SHTN1: variants seen among roughly 807,000 people sequenced by gnomAD.
The protein encoded by SHTN1 is shootin-1.
SHTN1 carries 42 observed loss-of-function variants against 83.1 expected under a neutral mutation model. That is an observed-to-expected ratio of 0.51 (90% CI 0.39 to 0.65). SHTN1 has a LOEUF of 0.65. SHTN1 is among the 30% of genes least tolerant of loss of function. The probability of loss-of-function intolerance (pLI) is 0.00; values close to 1 mark genes in which losing one functional copy is unlikely to be tolerated. For missense variants in SHTN1, 622 were observed against 737.8 expected (o/e 0.84, Z 1.82); for synonymous variants, 224 against 247.7 (o/e 0.90, Z 0.90).
chr10:117,051,968 T>G (rs1370877566), intron 1 of SHTN1, among the ~76,000 whole-genome samples: 1 of 99,866 alleles, frequency 1.0e-5, no homozygotes, highest in Non-Finnish European at 2.1e-5. Flanking sequence ...AAGGCAGAAG[T>G]AAAACTACCT....
At chr10:116,985,101 T>C (rs556666642) in intron 1 of SHTN1, among the ~76,000 whole-genome samples, 21 of 152,256 alleles carry the variant, frequency 1.4e-4, no homozygotes, top group Non-Finnish European at 2.8e-4. Context: ...TACAGCTCTA[T>C]TGGAGCATCT....
chr10:116,997,322 T>A (rs1041254238), intron 1 of SHTN1, among the ~76,000 whole-genome samples: 1 of 152,236 alleles, frequency 6.6e-6, no homozygotes, highest in Non-Finnish European at 1.5e-5. Context: ...ACTGCTTATT[T>A]TTCTCCCTTG....
chr10:116,921,551 C>G (rs760707010), intron 11 of SHTN1, 35 bp from the exon 12 acceptor site: 1 of 1,498,672 alleles, frequency 6.7e-7, no homozygotes, highest in Non-Finnish European at 9.3e-7. Context: ...CAGGAGATTA[C>G]TGGATGCCTA....
chr10:117,084,046 G>A (rs1215869641), intron 1 of SHTN1, among the ~76,000 whole-genome samples: 12 of 152,102 alleles, frequency 7.9e-5, no homozygotes, highest in East Asian at 5.8e-4. Flanking sequence ...CTCTCAGCTC[G>A]TCAAAGTCAT....
intron 16 of SHTN1, among the ~76,000 whole-genome samples, chr10:116,897,553 G>C (rs1397278697): frequency 6.6e-6 from 1 of 152,132 alleles, no homozygotes; most frequent in Non-Finnish European, 1.5e-5. Context: ...AAAAACCCAG[G>C]GGTCTAGTAT....
At chr10:116,927,133 G>A (rs760678931) in intron 11 of SHTN1, among the ~76,000 whole-genome samples, 3 of 152,088 alleles carry the variant, frequency 2.0e-5, no homozygotes, top group South Asian at 2.1e-4. Flanking sequence ...GCATGTTTAC[G>A]TTTTCATTTA....
chr10:116,931,732 G>T (rs1480330621), intron 9 of SHTN1, among the ~76,000 whole-genome samples: 1 of 152,138 alleles, frequency 6.6e-6, no homozygotes, highest in Non-Finnish European at 1.5e-5. Flanking sequence ...GCATAAAATA[G>T]TATGCATAGT....
chr10:117,050,054 T>C (rs1284215616), intron 1 of SHTN1, among the ~76,000 whole-genome samples: 5 of 152,068 alleles, frequency 3.3e-5, no homozygotes, highest in African/African-American at 1.2e-4. Context: ...TAGCTAGATG[T>C]AGTGGTATGA....
At chr10:116,931,156 G>T (rs1275529536) in intron 9 of SHTN1, among the ~76,000 whole-genome samples, 2 of 145,230 alleles carry the variant, frequency 1.4e-5, no homozygotes, top group African/African-American at 5.0e-5. Flanking sequence ...AAAAAGGAAA[G>T]GCTTTCGATT....
rs1376261203 is a variant in SHTN1 at position 117,089,540 on chromosome 10, AT to A, written c.-189+36766del. Among the ~76,000 whole-genome samples, 11 of 152,218 alleles carry A rather than the reference AT, an allele frequency of 7.2e-5. No individual in the cohort carries two copies. In the East Asian group the frequency reaches 2.1e-3, roughly 29 times the overall value. On this transcript the variant is annotated intron_variant, in intron 1 of 17. Coordinates refer to the SHTN1 transcript ENST00000392901. ...CTTCATGACGCTGGATTTGGCAATGATTTTTTTGGATAGGGCGTCAAAAGCA... is the reference window on the plus strand; with the variant it reads ...CTTCATGACGCTGGATTTGGCAATGATTTTTTGGATAGGGCGTCAAAAGCA...
rs576892154 is a variant in SHTN1, at chr10:116,930,015, T to TA, written c.859-14dup. On this transcript the variant is annotated splice_polypyrimidine_tract_variant and intron_variant, in intron 9 of 16. Coordinates refer to ENST00000355371, the MANE Select transcript of SHTN1 (RefSeq NM_001127211.3). ...CTAATTCTTTGACCTATAAGTTATT[T>TA]AAAAAAAAAAGACTTTTATGGCTGA... 8,686 of 1,367,224 alleles carry TA rather than the reference T, an allele frequency of 6.4e-3. 12 individuals carry two copies. The highest frequency in any genetic ancestry group is 0.017 in the East Asian group (669 of 38,324). The allele number at this position is 1,367,224 out of a possible 1,614,324, so 84.7% of individuals were successfully genotyped here.
intron 1 of SHTN1, among the ~76,000 whole-genome samples, chr10:117,102,502 G>A (rs1321864280): frequency 3.3e-5 from 5 of 152,032 alleles, no homozygotes; most frequent in African/African-American, 1.2e-4. Context: ...TCCAAACCAC[G>A]ACATGCTTCC....
At chr10:116,953,938 G>A (rs1589838860) in intron 5 of SHTN1, 104 bp downstream of exon 5, 1 of 1,006,010 alleles carries the variant, frequency 9.9e-7, no homozygotes, top group Non-Finnish European at 1.4e-6. Context: ...CTAGGCATCA[G>A]TATTTTGAAA....
At chr10:116,949,092 C>T (rs190196665) in intron 6 of SHTN1, 95 bp from the exon 7 acceptor site, 2 of 1,261,938 alleles carry the variant, frequency 1.6e-6, no homozygotes, top group Non-Finnish European at 2.1e-6. Context: ...CAACTTTCAA[C>T]ATGAAGTTAC....
intron 10 of SHTN1, 52 bp downstream of exon 10, chr10:116,929,797 G>T: frequency 2.3e-6 from 3 of 1,290,090 alleles, no homozygotes; most frequent in South Asian, 1.5e-5. Flanking sequence ...TACTAGGCAT[G>T]AGTAATTCAA....
intron 2 of SHTN1, among the ~76,000 whole-genome samples, chr10:117,042,030 GTATGTAT>G (rs1852590932): frequency 6.6e-6 from 1 of 152,222 alleles, no homozygotes. Context: ...TAGTTTTTGA[GTATGTAT>G]GTTAGTGGAG....
At chr10:117,040,603 TG>T (rs1314037410) in intron 2 of SHTN1, among the ~76,000 whole-genome samples, 20 of 152,180 alleles carry the variant, frequency 1.3e-4, no homozygotes, top group Admixed American at 1.1e-3. Context: ...GTGAACTATA[TG>T]GGAACTCTCA....
intron 1 of SHTN1, among the ~76,000 whole-genome samples, chr10:117,078,684 C>A (rs1853201799): frequency 6.6e-6 from 1 of 152,226 alleles, no homozygotes; most frequent in South Asian, 2.1e-4. Context: ...GTGCTTTAGG[C>A]AGGAGGAAAA....
chr10:116,926,512 C>T (rs951878185), intron 11 of SHTN1, among the ~76,000 whole-genome samples: 1 of 152,130 alleles, frequency 6.6e-6, no homozygotes, highest in African/African-American at 2.4e-5. Flanking sequence ...ACTTCAATGG[C>T]TTAAAGTAGA....
Sources: allele counts gnomAD v4.1 joint callset (sites outside exome capture counted in the v4.1 genomes callset), GRCh38; gene constraint gnomAD v4.1.1; transcripts MANE v1.5; gene names NCBI Gene and HGNC (gene_info 2026-07-23, HGNC 2026-07-21).